The following SLC9A9 variants were observed in gnomAD, a reference collection of about 807,000 sequenced individuals.
SLC9A9 encodes the protein solute carrier family 9 member A9.
In SLC9A9, 62 loss-of-function variants were observed where a neutral mutation model predicts 77.8. The ratio of observed to expected loss-of-function variants is 0.80; its 90% CI spans 0.65 to 0.98. The LOEUF (loss-of-function observed/expected upper bound fraction) is 0.98. Ranked by LOEUF, SLC9A9 falls within the 50% of genes least tolerant of loss-of-function variation. The pLI, the probability that SLC9A9 is intolerant of heterozygous loss-of-function variation, is 0.00. For missense variants in SLC9A9, 775 were observed against 774.9 expected, an observed-to-expected ratio of 1.00 and a Z score of 0.00; for synonymous variants, 320 against 283.5, an observed-to-expected ratio of 1.13 and a Z score of -1.29.
intron 9 of SLC9A9, among the ~76,000 whole-genome samples, chr3:143,541,921 A>G (rs2036696547): frequency 6.6e-6 from 1 of 152,160 alleles, no homozygotes; most frequent in Non-Finnish European, 1.5e-5. Flanking sequence ...TTTCAAGGAG[A>G]AACATGGATG....
At chr3:143,322,394 T>A (rs995440974) in intron 14 of SLC9A9, among the ~76,000 whole-genome samples, 1 of 152,202 alleles carries the variant, frequency 6.6e-6, no homozygotes, top group Non-Finnish European at 1.5e-5. Context: ...GAATTTATAC[T>A]ATTGGCTCAC....
intron 14 of SLC9A9, among the ~76,000 whole-genome samples, chr3:143,346,226 T>C (rs1017436218): frequency 6.6e-6 from 1 of 152,156 alleles, no homozygotes; most frequent in African/African-American, 2.4e-5. Context: ...GCCTTTTCAC[T>C]TGGCTAAAAG....
At chr3:143,501,866 A>G (rs1235299044) in intron 9 of SLC9A9, among the ~76,000 whole-genome samples, 2 of 150,860 alleles carry the variant, frequency 1.3e-5, no homozygotes, top group African/African-American at 5.0e-5. Flanking sequence ...CATGTTTCAA[A>G]GGGAGAATCT....
chr3:143,725,320 C>T (rs1934612925), intron 4 of SLC9A9, among the ~76,000 whole-genome samples: 1 of 152,008 alleles, frequency 6.6e-6, no homozygotes, highest in African/African-American at 2.4e-5. Context: ...TTGTGGAAGT[C>T]AGTGTGGCGA....
At chr3:143,485,287 T>A (rs1199157868) in intron 11 of SLC9A9, among the ~76,000 whole-genome samples, 1 of 152,198 alleles carries the variant, frequency 6.6e-6, no homozygotes, top group Non-Finnish European at 1.5e-5. Flanking sequence ...CTCCCCTTAC[T>A]GGGAAGCTCC....
At chr3:143,722,912 T>C (rs1202592761) in intron 4 of SLC9A9, among the ~76,000 whole-genome samples, 1 of 152,212 alleles carries the variant, frequency 6.6e-6, no homozygotes, top group Admixed American at 6.5e-5. Flanking sequence ...TAAGTCTCCA[T>C]TTTATTTAAA....
At chr3:143,364,874 C>T (rs1433075016) in intron 13 of SLC9A9, among the ~76,000 whole-genome samples, 2 of 152,096 alleles carry the variant, frequency 1.3e-5, no homozygotes, top group African/African-American at 4.8e-5. Flanking sequence ...AACAGTGTCC[C>T]CTAGAGAATC....
intron 4 of SLC9A9, among the ~76,000 whole-genome samples, chr3:143,784,003 A>C (rs2007966649): frequency 6.6e-6 from 1 of 152,196 alleles, no homozygotes; most frequent in Non-Finnish European, 1.5e-5. Context: ...CACAGATGCA[A>C]ACCAGACTTC....
At chr3:143,483,965 T>C (rs1281962067) in intron 11 of SLC9A9, among the ~76,000 whole-genome samples, 1 of 152,188 alleles carries the variant, frequency 6.6e-6, no homozygotes, top group African/African-American at 2.4e-5. Flanking sequence ...TCAATAAATG[T>C]CTGCTGAATG....
At chr3:143,453,019 T>C (rs986903409) in intron 12 of SLC9A9, among the ~76,000 whole-genome samples, 12 of 151,990 alleles carry the variant, frequency 7.9e-5, no homozygotes, top group Admixed American at 6.6e-4. Context: ...ATTATGTATA[T>C]ATATGGAAAG....
chr3:143,655,578 A>G (rs2108751527), intron 5 of SLC9A9: 1 of 985,280 alleles, frequency 1.0e-6, no homozygotes, highest in South Asian at 4.7e-5. Flanking sequence ...CCCTCTTCTT[A>G]CATGATGTTG....
chr3:143,527,416 A>G (rs973826), intron 9 of SLC9A9, among the ~76,000 whole-genome samples: 75,859 of 152,016 alleles, frequency 0.5, 19,181 homozygotes, highest in Middle Eastern at 0.69. Flanking sequence ...TAAAAATTAG[A>G]TAACAGTAGC....
intron 6 of SLC9A9, among the ~76,000 whole-genome samples, chr3:143,635,014 C>T (rs2038494248): frequency 6.6e-6 from 1 of 151,876 alleles, no homozygotes. Flanking sequence ...AGCAAACCAC[C>T]CCACAACTGA....
chr3:143,359,349 A>G (rs1022987447), intron 14 of SLC9A9, among the ~76,000 whole-genome samples: 6 of 152,172 alleles, frequency 3.9e-5, no homozygotes, highest in Non-Finnish European at 8.8e-5. Context: ...CTATTAAAAC[A>G]AAGTCCATTC....
At chr3:143,745,266 TATA>T (rs1431730723) in intron 4 of SLC9A9, among the ~76,000 whole-genome samples, 3 of 152,222 alleles carry the variant, frequency 2.0e-5, no homozygotes, top group Non-Finnish European at 2.9e-5. Context: ...AAGATGTTTT[TATA>T]ATAAGCTTCT....
intron 6 of SLC9A9, among the ~76,000 whole-genome samples, chr3:143,594,246 G>A (rs2037713208): frequency 6.6e-6 from 1 of 152,130 alleles, no homozygotes; most frequent in Non-Finnish European, 1.5e-5. Context: ...TAATTTTAGA[G>A]TCTTAAATAC....
intron 12 of SLC9A9, among the ~76,000 whole-genome samples, chr3:143,430,006 C>A (rs1010778557): frequency 2.0e-4 from 30 of 152,190 alleles, no homozygotes; most frequent in Non-Finnish European, 3.1e-4. Flanking sequence ...CTGAAACCAG[C>A]CACTCTGGTG....
Position 143,735,278 on chromosome 3 carries a change from G to A in SLC9A9, c.534-41971C>T, listed in dbSNP as rs60313442. Among the ~76,000 whole-genome samples, 651 of 152,218 alleles carry A rather than the reference G, an allele frequency of 4.3e-3. 8 individuals carry two copies. Among genetic ancestry groups the A allele is most frequent in the African/African-American group, 0.014 (599 of 41,528 alleles). On this transcript the variant is annotated intron_variant, in intron 4 of 15. Coordinates refer to ENST00000316549, the MANE Select transcript of SLC9A9 (RefSeq NM_173653.4). ...AATCAATAATGTGAAGCAGCAAAGT[G>A]AACAATAGACCCCTAAAGTCCTAAA...
intron 8 of SLC9A9, among the ~76,000 whole-genome samples, chr3:143,563,572 T>C (rs563650277): frequency 6.6e-6 from 1 of 152,268 alleles, no homozygotes; most frequent in Admixed American, 6.5e-5. Flanking sequence ...GTAGTCTGTT[T>C]AGTGGTTTTC....
Sources: allele counts gnomAD v4.1 joint callset (sites outside exome capture counted in the v4.1 genomes callset), GRCh38; gene constraint gnomAD v4.1.1; transcripts MANE v1.5; gene names NCBI Gene and HGNC (gene_info 2026-07-23, HGNC 2026-07-21).